GPR158: variants seen among roughly 807,000 people sequenced by gnomAD.
GPR158 encodes the protein metabotropic glycine receptor.
A neutral mutation model predicts 78.2 loss-of-function variants in GPR158; 30 were observed. The ratio of observed to expected loss-of-function variants is 0.38; its 90% confidence interval spans 0.29 to 0.52. The LOEUF is 0.52. Among genes scored for constraint, GPR158 ranks in the 20% least tolerant of loss-of-function variants. The probability of loss-of-function intolerance (pLI) is 0.83; values close to 1 mark genes in which losing one functional copy is unlikely to be tolerated. For missense variants in GPR158, 1,463 were observed against 1,523.5 expected (o/e 0.96, Z 0.66); for synonymous variants, 581 against 591.1 (o/e 0.98, Z 0.25).
intron 2 of GPR158, among the ~76,000 whole-genome samples, chr10:25,378,416 T>A (rs980881396): frequency 4.8e-5 from 7 of 144,448 alleles, no homozygotes; most frequent in Middle Eastern, 3.6e-3. Context: ...TTTTTTTTTT[T>A]AAATCATTGT....
chr10:25,408,149 T>G (rs1834539239), intron 3 of GPR158, among the ~76,000 whole-genome samples: 1 of 152,190 alleles, frequency 6.6e-6, no homozygotes, highest in African/African-American at 2.4e-5. Context: ...CCTAAGCCAG[T>G]GAAAAAAGGT....
intron 4 of GPR158, among the ~76,000 whole-genome samples, chr10:25,465,655 C>T (rs938070369): frequency 7.2e-5 from 11 of 152,114 alleles, no homozygotes; most frequent in East Asian, 1.9e-4. Context: ...GTGCACATAG[C>T]GAAGCTGTGT....
intron 2 of GPR158, among the ~76,000 whole-genome samples, chr10:25,361,770 A>G (rs1094829): frequency 0.81 from 122,667 of 151,924 alleles, 50,517 homozygotes; most frequent in Non-Finnish European, 0.86. Context: ...AATCCTTTGC[A>G]TATTTTTTAA....
chr10:25,181,275 T>C (rs908512514), intron 1 of GPR158, among the ~76,000 whole-genome samples: 2 of 152,212 alleles, frequency 1.3e-5, no homozygotes, highest in East Asian at 3.8e-4. Context: ...CTTTAAGCTA[T>C]GAAGAGTAAT....
At chr10:25,268,625 T>C (rs1343116081) in intron 2 of GPR158, among the ~76,000 whole-genome samples, 2 of 152,176 alleles carry the variant, frequency 1.3e-5, no homozygotes, top group Non-Finnish European at 2.9e-5. Context: ...AGGAACTTTT[T>C]TCAGGTCTGC....
At chr10:25,543,214 A>G (rs1836612992) in intron 5 of GPR158, among the ~76,000 whole-genome samples, 1 of 152,016 alleles carries the variant, frequency 6.6e-6, no homozygotes, top group Non-Finnish European at 1.5e-5. Context: ...TCTGCCTCCC[A>G]GGTTCGAGAA....
chr10:25,363,872 A>G (rs978979838), intron 2 of GPR158, among the ~76,000 whole-genome samples: 1 of 151,960 alleles, frequency 6.6e-6, no homozygotes, highest in African/African-American at 2.4e-5. Flanking sequence ...TTTATTACAT[A>G]AAAGTTGAAC....
intron 2 of GPR158, among the ~76,000 whole-genome samples, chr10:25,306,574 C>T (rs1204575054): frequency 6.6e-6 from 1 of 152,166 alleles, no homozygotes; most frequent in Non-Finnish European, 1.5e-5. Flanking sequence ...TGTATATGCA[C>T]ATGCAGACAT....
chr10:25,557,649 A>T (rs1033831152), intron 6 of GPR158, among the ~76,000 whole-genome samples: 1 of 152,198 alleles, frequency 6.6e-6, no homozygotes, highest in Non-Finnish European at 1.5e-5. Flanking sequence ...TTCAGAAACG[A>T]ATCAGGGATT....
Position 25,594,333 on chromosome 10 carries a change from T to C in GPR158, c.1934T>C (p.Met645Thr). The change falls in exon 9 of 11, where the codon ATG (methionine) becomes ACG (threonine). Residue 645 changes from methionine to threonine, a missense_variant. Physicochemically the swap from Met to Thr is moderately conservative, Grantham distance 81. Coordinates refer to ENST00000376351, the MANE Select transcript of GPR158 (RefSeq NM_020752.3). ...AGACTTCAGTCTGATTGGATGTTGATGCTGTATTTTGCACATACTCATTTG... is the reference window on the plus strand; with the variant it reads ...AGACTTCAGTCTGATTGGATGTTGACGCTGTATTTTGCACATACTCATTTG... The part of the protein sequence containing the change: ...ASRLQSDWML[M>T]LYFAHTHLTV... 6.3e-7 allele frequency: 1 copy of C among 1,596,412 alleles called. No individual in the cohort carries two copies. Among genetic ancestry groups the C allele is most frequent in the South Asian group, 1.1e-5 (1 of 90,670 alleles).
chr10:25,424,876 T>C (rs1374959158), intron 4 of GPR158, among the ~76,000 whole-genome samples: 1 of 152,208 alleles, frequency 6.6e-6, no homozygotes, highest in East Asian at 1.9e-4. Flanking sequence ...GGCTCTTTTT[T>C]GGTTCCACAT....
chr10:25,301,817 C>A (rs936620054), intron 2 of GPR158, among the ~76,000 whole-genome samples: 1 of 140,446 alleles, frequency 7.1e-6, no homozygotes, highest in African/African-American at 3.2e-5. Context: ...GCCTGTGTTA[C>A]CACTTGCCAA....
At chr10:25,497,811 G>C (rs1039640934) in intron 5 of GPR158, among the ~76,000 whole-genome samples, 5 of 152,266 alleles carry the variant, frequency 3.3e-5, no homozygotes, top group South Asian at 2.1e-4. Flanking sequence ...ACAAAGAAGA[G>C]TACCCTTCTA....
In GPR158 at chr10:25,563,493, C is replaced by T. The variant is rs75292609; in HGVS notation, c.1515-9156C>T. 1.0e-3 allele frequency among the ~76,000 whole-genome samples: 152 copies of T among 152,196 alleles called. No homozygotes were observed. The Middle Eastern group carries it at 0.027, about 27-fold the overall frequency. On this transcript the variant is annotated intron_variant, in intron 6 of 10. Coordinates refer to ENST00000376351, the MANE Select transcript of GPR158 (RefSeq NM_020752.3). ...TGATTTGTTTTTATATATTTTACAT[C>T]CATTTTGTTTCTCAGTTCCACCATT...
chr10:25,225,988 A>C (rs1490885151), intron 2 of GPR158, among the ~76,000 whole-genome samples: 1 of 152,206 alleles, frequency 6.6e-6, no homozygotes, highest in Admixed American at 6.5e-5. Context: ...GTGGGTTTAG[A>C]GTACTTTTCT....
At chr10:25,369,061 T>C (rs1833950293) in intron 2 of GPR158, among the ~76,000 whole-genome samples, 1 of 151,248 alleles carries the variant, frequency 6.6e-6, no homozygotes, top group Admixed American at 6.6e-5. Flanking sequence ...CAGCTTGAGA[T>C]TTTGGGCTGA....
At chr10:25,317,569 G>T (rs1020834421) in intron 2 of GPR158, among the ~76,000 whole-genome samples, 1 of 151,642 alleles carries the variant, frequency 6.6e-6, no homozygotes, top group East Asian at 1.9e-4. Context: ...GATTTCCGTT[G>T]CAATATTTGT....
intron 5 of GPR158, among the ~76,000 whole-genome samples, chr10:25,511,077 A>G (rs112587892): frequency 0.037 from 5,593 of 152,274 alleles, 360 homozygotes; most frequent in African/African-American, 0.13. Flanking sequence ...TGGGATTGCT[A>G]GATCAAATGG....
intron 2 of GPR158, among the ~76,000 whole-genome samples, chr10:25,319,975 A>T (rs1854922705): frequency 6.6e-6 from 1 of 152,138 alleles, no homozygotes; most frequent in Non-Finnish European, 1.5e-5. Flanking sequence ...TCATCCAAAT[A>T]CCTTATTCTT....
Sources: allele counts gnomAD v4.1 joint callset (sites outside exome capture counted in the v4.1 genomes callset), GRCh38; gene constraint gnomAD v4.1.1; transcripts MANE v1.5; gene names NCBI Gene and HGNC (gene_info 2026-07-23, HGNC 2026-07-21).